Variants in ULK4 observed in about 807,000 individuals in gnomAD.
ULK4 encodes inactive serine/threonine-protein kinase ULK4.
In ULK4, 133 loss-of-function variants were observed where a neutral mutation model predicts 160.6. The observed-to-expected ratio is 0.83, with a 90% CI of 0.72 to 0.96. The LOEUF is 0.96. Among genes scored for constraint, ULK4 ranks in the 40% least tolerant of loss-of-function variants. The pLI is 0.00. For missense variants in ULK4, 1,580 were observed against 1,499.5 expected, an observed-to-expected ratio of 1.05 and a Z score of -0.89; for synonymous variants, 534 against 539.8, an observed-to-expected ratio of 0.99 and a Z score of 0.15.
Position 41,912,912 on chromosome 3 carries a change from T to C in ULK4, c.804-13A>G. The C allele has an allele frequency of 1.2e-6, 2 of 1,612,980 alleles. No homozygotes were observed. The highest frequency in any genetic ancestry group is 1.7e-6 in the Non-Finnish European group (2 of 1,179,288). On this transcript the variant is annotated splice_polypyrimidine_tract_variant and intron_variant, in intron 8 of 36. Transcript: ENST00000301831. ...TGTCCAAGTCAATCTTTAAAAAACA[T>C]AAATGTTAAAACTCTACTTTAACAT... is the stretch of plus-strand genomic sequence containing the variant.
At chr3:41,737,599 A>G (rs1166537631) in intron 22 of ULK4, among the ~76,000 whole-genome samples, 1 of 151,822 alleles carries the variant, frequency 6.6e-6, no homozygotes, top group African/African-American at 2.4e-5. Context: ...GCATCACGCT[A>G]TCTAAGTCCA....
intron 27 of ULK4, among the ~76,000 whole-genome samples, chr3:41,691,859 C>A (rs1362474225): frequency 6.6e-6 from 1 of 151,104 alleles, no homozygotes; most frequent in Non-Finnish European, 1.5e-5. Context: ...CAACCCAACA[C>A]CAAACAGCAA....
intron 35 of ULK4, among the ~76,000 whole-genome samples, chr3:41,280,828 T>TA (rs1338948849): frequency 2.0e-5 from 3 of 151,958 alleles, no homozygotes; most frequent in African/African-American, 7.2e-5. Context: ...CTGAAGGAGA[T>TA]AGAGACACAA....
intron 30 of ULK4, among the ~76,000 whole-genome samples, chr3:41,663,397 A>G (rs749064680): frequency 2.0e-5 from 3 of 152,236 alleles, no homozygotes; most frequent in Non-Finnish European, 2.9e-5. Flanking sequence ...ATTCCACAGT[A>G]TGCTGACTCT....
chr3:41,937,918 G>T (rs923952863), intron 3 of ULK4, 180 bp downstream of exon 3: 3 of 410,722 alleles, frequency 7.3e-6, no homozygotes, highest in African/African-American at 2.0e-5. Context: ...ATCCAACCCG[G>T]AATTGAATTT....
intron 35 of ULK4, among the ~76,000 whole-genome samples, chr3:41,387,631 T>G (rs1341715123): frequency 6.6e-6 from 1 of 152,202 alleles, no homozygotes; most frequent in South Asian, 2.1e-4. Flanking sequence ...GTGTTTGGTT[T>G]TTTGTCCTTG....
At chr3:41,961,274 A>T (rs553283903) in intron 1 of ULK4, among the ~76,000 whole-genome samples, 118 of 152,322 alleles carry the variant, frequency 7.7e-4, no homozygotes, top group African/African-American at 2.4e-3. Flanking sequence ...CCCGCACCAG[A>T]AGCATGAGCA....
chr3:41,327,976 A>T (rs1222347849), intron 35 of ULK4, among the ~76,000 whole-genome samples: 1 of 152,156 alleles, frequency 6.6e-6, no homozygotes, highest in Non-Finnish European at 1.5e-5. Flanking sequence ...AGTCGTTTGG[A>T]AAGAGGGACT....
intron 35 of ULK4, among the ~76,000 whole-genome samples, chr3:41,392,658 G>C (rs2081980713): frequency 1.3e-5 from 2 of 152,138 alleles, no homozygotes; most frequent in African/African-American, 4.8e-5. Flanking sequence ...GGCTTTAAAA[G>C]AGATGACCCC....
At chr3:41,623,868 T>C (rs1575494428) in intron 30 of ULK4, among the ~76,000 whole-genome samples, 1 of 152,224 alleles carries the variant, frequency 6.6e-6, no homozygotes, top group Non-Finnish European at 1.5e-5. Flanking sequence ...GTGATGGACA[T>C]GTTAATTAGT....
chr3:41,398,832 C>T (rs910626226), intron 34 of ULK4, among the ~76,000 whole-genome samples: 21 of 151,880 alleles, frequency 1.4e-4, no homozygotes, highest in African/African-American at 4.6e-4. Context: ...CATAATTATA[C>T]ATTTTTATGG....
At chr3:41,917,916 G>A (rs1321130921) in intron 7 of ULK4, among the ~76,000 whole-genome samples, 1 of 152,044 alleles carries the variant, frequency 6.6e-6, no homozygotes, top group Non-Finnish European at 1.5e-5. Context: ...GAACCCGGGA[G>A]GCGGAGGTTG....
chr3:41,879,596 T>C (rs1278639073), intron 17 of ULK4, among the ~76,000 whole-genome samples: 1 of 151,944 alleles, frequency 6.6e-6, no homozygotes, highest in Non-Finnish European at 1.5e-5. Flanking sequence ...CCCAGGGTCA[T>C]GTCTCAGCCT....
intron 19 of ULK4, among the ~76,000 whole-genome samples, chr3:41,809,176 C>CAAAAAAAAAA (rs533578363): frequency 4.0e-5 from 3 of 75,484 alleles, no homozygotes; most frequent in Non-Finnish European, 6.8e-5. Context: ...AAAAAAAAAA[C>CAAAAAAAAAA]AAAAAAAAAA....
At chr3:41,678,816 C>T (rs564509728) in intron 29 of ULK4, among the ~76,000 whole-genome samples, 1 of 152,294 alleles carries the variant, frequency 6.6e-6, no homozygotes, top group East Asian at 1.9e-4. Flanking sequence ...AAAGTATCAA[C>T]ACCAGTGTGT....
chr3:41,793,529 G>T (rs2040210922), intron 20 of ULK4, among the ~76,000 whole-genome samples: 1 of 152,150 alleles, frequency 6.6e-6, no homozygotes, highest in Non-Finnish European at 1.5e-5. Flanking sequence ...GAGATCTTAA[G>T]ATATATCAGA....
intron 35 of ULK4, among the ~76,000 whole-genome samples, chr3:41,357,094 T>G (rs2081045159): frequency 6.6e-6 from 1 of 152,192 alleles, no homozygotes; most frequent in African/African-American, 2.4e-5. Flanking sequence ...GTAAAGCAGT[T>G]GTTTTATTTG....
chr3:41,897,083 G>T, intron 14 of ULK4, 80 bp from the exon 15 acceptor site: 2 of 1,270,318 alleles, frequency 1.6e-6, no homozygotes, highest in Non-Finnish European at 2.2e-6. Flanking sequence ...AATAAACACA[G>T]AATTACGACA....
chr3:41,781,915 G>A (rs2125583929), intron 21 of ULK4, among the ~76,000 whole-genome samples: 1 of 152,202 alleles, frequency 6.6e-6, no homozygotes, highest in South Asian at 2.1e-4. Context: ...CTCCAGCCTG[G>A]GCAACCACAG....
Sources: gnomAD v4.1 joint callset for allele counts (sites outside exome capture counted in the v4.1 genomes callset) on GRCh38, gnomAD v4.1.1 for gene constraint, MANE v1.5 for transcripts, NCBI Gene and HGNC (gene_info 2026-07-23, HGNC 2026-07-21) for gene names.